The following GRIP1 variants were observed in gnomAD, a reference collection of about 807,000 sequenced individuals.
The protein encoded by GRIP1 is glutamate receptor interacting protein 1.
Under a neutral mutation model 129.9 loss-of-function variants are expected in GRIP1, and 45 were observed. That is an observed-to-expected ratio of 0.35 (90% CI 0.27 to 0.44). The LOEUF (loss-of-function observed/expected upper bound fraction) is 0.44. Among genes scored for constraint, GRIP1 ranks in the 20% least tolerant of loss-of-function variants. The probability of loss-of-function intolerance (pLI) is 1.00; values close to 1 mark genes in which losing one functional copy is unlikely to be tolerated. For synonymous variants in GRIP1, 530 were observed against 520.8 expected (o/e 1.02, Z -0.24); for missense variants, 1,196 against 1,396.8 (o/e 0.86, Z 2.29).
At position 66,942,194 on chromosome 12, in the gene GRIP1, A is replaced by G. The variant is rs2041597003; in HGVS notation, c.58+126856T>C. 2.0e-5 allele frequency among the ~76,000 whole-genome samples: 3 copies of G among 152,250 alleles called. No individual in the cohort carries two copies. The South Asian group carries it at 6.2e-4, about 32-fold the overall frequency. Reference sequence around the variant, plus strand: ...TTGAGGAATTTATGCAAGGTCTCCAAGCTAGTTGTGGCTGCCACTAGCGGA... The same window carrying G: ...TTGAGGAATTTATGCAAGGTCTCCAGGCTAGTTGTGGCTGCCACTAGCGGA... On this transcript the variant is annotated intron_variant, in intron 1 of 1. Transcript: ENST00000643019.
Position 66,377,231 on chromosome 12 carries a change from A to T in GRIP1, c.2676T>A (p.Ser892=). 1 of 1,614,062 alleles carries T rather than the reference A, an allele frequency of 6.2e-7. No homozygotes were observed. The highest frequency in any genetic ancestry group is 8.5e-7 in the Non-Finnish European group (1 of 1,179,896). ...AETEQEENFW[S]QALEDLETCG... is the part of the protein sequence containing the mutation. ...AGGTTTCCAAATCCTCCAGCGCTTG[A>T]GACCAGAAGTTCTCCTCTTGTTCTG... Residue 892 remains serine, a synonymous_variant, in exon 21 of 25, where the codon TCT becomes TCA. Transcript: ENST00000359742.
intron 5 of GRIP1, among the ~76,000 whole-genome samples, chr12:66,526,889 AG>A (rs1298981609): frequency 7.0e-6 from 1 of 143,566 alleles, no homozygotes; most frequent in Non-Finnish European, 1.5e-5. Context: ...ACTTCTCAAA[AG>A]AAGACATTTA....
intron 1 of GRIP1, among the ~76,000 whole-genome samples, chr12:66,970,854 C>T (rs1379485184): frequency 1.3e-5 from 2 of 152,080 alleles, no homozygotes; most frequent in African/African-American, 4.8e-5. Flanking sequence ...CTATCTTCTC[C>T]CCAGATGGGA....
intron 1 of GRIP1, among the ~76,000 whole-genome samples, chr12:67,067,888 C>G (rs142540043): frequency 1.3e-5 from 2 of 152,342 alleles, no homozygotes; most frequent in Non-Finnish European, 2.9e-5. Flanking sequence ...CCTACCCACG[C>G]TGCGCCGCTT....
chr12:66,842,188 T>C (rs1311724198), intron 1 of GRIP1, among the ~76,000 whole-genome samples: 2 of 152,114 alleles, frequency 1.3e-5, no homozygotes, highest in Admixed American at 6.6e-5. Flanking sequence ...ACATCTATAA[T>C]ACCTGCTGAT....
At chr12:66,984,124 C>T (rs949373663) in intron 1 of GRIP1, among the ~76,000 whole-genome samples, 1 of 152,160 alleles carries the variant, frequency 6.6e-6, no homozygotes, top group East Asian at 1.9e-4. Context: ...CTAGTCTATA[C>T]TTAAAGACTG....
chr12:67,021,571 C>A (rs1652009891), intron 1 of GRIP1, among the ~76,000 whole-genome samples: 1 of 152,056 alleles, frequency 6.6e-6, no homozygotes. Flanking sequence ...TTGATACATA[C>A]AATGTATAAT....
At chr12:67,000,039 G>T (rs992893420) in intron 1 of GRIP1, among the ~76,000 whole-genome samples, 2 of 152,134 alleles carry the variant, frequency 1.3e-5, no homozygotes, top group Admixed American at 6.6e-5. Context: ...ACAGCTCACA[G>T]AGTGACAGAT....
chr12:66,604,709 T>C (rs2064432626), intron 1 of GRIP1, among the ~76,000 whole-genome samples: 4 of 152,178 alleles, frequency 2.6e-5, no homozygotes, highest in Admixed American at 1.3e-4. Flanking sequence ...TTGGATTGCC[T>C]CAGCTGACAT....
At chr12:66,634,567 A>G (rs1420381178) in intron 1 of GRIP1, among the ~76,000 whole-genome samples, 2 of 152,246 alleles carry the variant, frequency 1.3e-5, no homozygotes, top group Non-Finnish European at 2.9e-5. Flanking sequence ...TTGGAAATGA[A>G]CTAAGTTCTT....
intron 22 of GRIP1, among the ~76,000 whole-genome samples, chr12:66,373,225 G>A (rs2055614205): frequency 6.6e-6 from 1 of 152,136 alleles, no homozygotes; most frequent in African/African-American, 2.4e-5. Flanking sequence ...AAGTAGCTGG[G>A]ACTACAGGCA....
chr12:66,902,649 T>A (rs1297694161), intron 1 of GRIP1, among the ~76,000 whole-genome samples: 3 of 152,156 alleles, frequency 2.0e-5, no homozygotes, highest in African/African-American at 7.2e-5. Flanking sequence ...CAGGGAGAGA[T>A]GAAAGTGAAC....
intron 1 of GRIP1, among the ~76,000 whole-genome samples, chr12:67,053,280 C>G (rs866853458): frequency 6.6e-6 from 1 of 152,120 alleles, no homozygotes; most frequent in Non-Finnish European, 1.5e-5. Flanking sequence ...AGGAGAGAAA[C>G]CAAGCAGATA....
intron 1 of GRIP1, among the ~76,000 whole-genome samples, chr12:66,792,034 A>G (rs951874295): frequency 1.3e-5 from 2 of 152,206 alleles, no homozygotes; most frequent in South Asian, 4.1e-4. Context: ...CATGAGAAAG[A>G]GGTGGGAAAA....
At chr12:66,969,126 C>T (rs2042037143) in intron 1 of GRIP1, among the ~76,000 whole-genome samples, 1 of 152,108 alleles carries the variant, frequency 6.6e-6, no homozygotes, top group South Asian at 2.1e-4. Flanking sequence ...ATCCCCACAA[C>T]CCCAGGGCTT....
intron 19 of GRIP1, 143 bp downstream of exon 19, chr12:66,392,165 C>T (rs892260731): frequency 4.6e-6 from 3 of 655,590 alleles, no homozygotes; most frequent in Non-Finnish European, 8.2e-6. Context: ...TGTAAGTATT[C>T]AATGTGTTCA....
At chr12:66,770,172 T>C (rs1352565261) in intron 1 of GRIP1, among the ~76,000 whole-genome samples, 2 of 152,212 alleles carry the variant, frequency 1.3e-5, no homozygotes, top group African/African-American at 4.8e-5. Flanking sequence ...GTTCGATAAA[T>C]GTGAGTTTTT....
At chr12:66,670,309 T>C (rs1385557609) in intron 1 of GRIP1, among the ~76,000 whole-genome samples, 1 of 152,156 alleles carries the variant, frequency 6.6e-6, no homozygotes, top group Non-Finnish European at 1.5e-5. Context: ...GGTCCCTAAA[T>C]AGTAAGGACA....
At chr12:66,946,611 G>A (rs1156989951) in intron 1 of GRIP1, among the ~76,000 whole-genome samples, 3 of 151,676 alleles carry the variant, frequency 2.0e-5, no homozygotes, top group Admixed American at 6.6e-5. Flanking sequence ...CAGATTGCAG[G>A]GCCCCCTTGC....
Sources: allele counts gnomAD v4.1 joint callset (sites outside exome capture counted in the v4.1 genomes callset), GRCh38; gene constraint gnomAD v4.1.1; transcripts MANE v1.5; gene names NCBI Gene and HGNC (gene_info 2026-07-23, HGNC 2026-07-21).